The following UBN2 variants were observed in gnomAD, a reference collection of about 807,000 sequenced individuals.
UBN2 encodes ubinuclein 2.
Under a neutral mutation model 120.2 loss-of-function variants are expected in UBN2, and 35 were observed. The ratio of observed to expected loss-of-function variants is 0.29; its 90% CI spans 0.22 to 0.39. The LOEUF (loss-of-function observed/expected upper bound fraction) is 0.39. Among genes scored for constraint, UBN2 ranks in the 10% least tolerant of loss-of-function variants. The pLI is 1.00. For missense variants in UBN2, 1,693 were observed against 1,663.2 expected (o/e 1.02, Z -0.31); for synonymous variants, 661 against 648.7 (o/e 1.02, Z -0.29).
the UBN2 span, among the ~76,000 whole-genome samples, chr7:139,327,318 C>A: frequency 2.6e-5 from 4 of 152,182 alleles, no homozygotes; most frequent in African/African-American, 9.7e-5. Context: ...CAGGCGTGAG[C>A]CACTGCACCC....
At chr7:139,273,233 G>T in intron 9 of UBN2, 64 bp from the exon 10 acceptor site, 1 of 1,035,154 alleles carries the variant, frequency 9.7e-7, no homozygotes, top group Non-Finnish European at 1.4e-6. Flanking sequence ...AAGTATTTAT[G>T]GAGCATATTA....
chr7:139,281,031 T>C (rs1472300470), intron 13 of UBN2, among the ~76,000 whole-genome samples: 2 of 152,182 alleles, frequency 1.3e-5, no homozygotes, highest in East Asian at 1.9e-4. Context: ...TGAATTTAGA[T>C]GTTGTTTTGA....
At chr7:139,312,073 G>C (rs947253293), downstream of UBN2, among the ~76,000 whole-genome samples, 3 of 152,168 alleles carry the variant, frequency 2.0e-5, no homozygotes, top group Non-Finnish European at 4.4e-5. Context: ...AAAGTAATGC[G>C]TCAATCATAT....
intron 2 of UBN2, among the ~76,000 whole-genome samples, chr7:139,251,087 A>G (rs1796612482): frequency 6.6e-6 from 1 of 152,212 alleles, no homozygotes; most frequent in African/African-American, 2.4e-5. Context: ...CCTGGGTGAC[A>G]GAGTGAGACC....
At position 139,275,069 on chromosome 7, in the gene UBN2, G is replaced by T. The variant is rs143414776; in HGVS notation, c.1973+995G>T. On this transcript the variant is annotated intron_variant, in intron 11 of 17. Transcript: ENST00000473989. ...GAGGCTGGTGGATCACCTGAGGTCC[G>T]GAGTTCAAGACCAGCCTGGCCAGCA... Among the ~76,000 whole-genome samples the T allele has an allele frequency of 8.6e-3, 1,299 of 150,836 alleles. 15 individuals are homozygous for T. Among genetic ancestry groups the T allele is most frequent in the African/African-American group, 0.03 (1,211 of 40,978 alleles).
Position 139,237,111 on chromosome 7 carries a change from A to G in UBN2, c.561+14A>G. The G allele has an allele frequency of 6.3e-7, 1 of 1,575,130 alleles. No individual in the cohort carries two copies. The highest frequency in any genetic ancestry group is 1.1e-5 in the South Asian group (1 of 89,288). On this transcript the variant is annotated intron_variant, in intron 2 of 17. Transcript: ENST00000473989. ...GAAATGAAATATGTGAGTATAATAA[A>G]CTGATCACTTAGGTAATTTTATCCT... is the stretch of plus-strand genomic sequence containing the variant.
At chr7:139,324,869 G>GC in the UBN2 span, among the ~76,000 whole-genome samples, 1 of 151,964 alleles carries the variant, frequency 6.6e-6, no homozygotes, top group African/African-American at 2.4e-5. Context: ...TACTTGGGAG[G>GC]CTGAGGCAGG....
chr7:139,324,523 T>G, the UBN2 span, among the ~76,000 whole-genome samples: 1 of 118,928 alleles, frequency 8.4e-6, no homozygotes, highest in Admixed American at 1.2e-4. Context: ...GCCACAGCAC[T>G]CCAGCCTGGG....
intron 15 of UBN2, among the ~76,000 whole-genome samples, chr7:139,285,078 T>C (rs1332217920): frequency 6.6e-6 from 1 of 152,234 alleles, no homozygotes; most frequent in Non-Finnish European, 1.5e-5. Flanking sequence ...TTTATTTTGC[T>C]TAATTTTGTA....
chr7:139,273,167 G>A, intron 9 of UBN2, 130 bp from the exon 10 acceptor site: 1 of 505,312 alleles, frequency 2.0e-6, no homozygotes, highest in Non-Finnish European at 3.4e-6. Context: ...AGTATTATGT[G>A]GAAAGGTAGA....
At chr7:139,264,102 A>G (rs1797019279) in intron 6 of UBN2, among the ~76,000 whole-genome samples, 1 of 152,220 alleles carries the variant, frequency 6.6e-6, no homozygotes, top group African/African-American at 2.4e-5. Flanking sequence ...CTAATTTATT[A>G]TTCACATTAC....
At chr7:139,273,607 A>G (rs375887830) in intron 10 of UBN2, among the ~76,000 whole-genome samples, 197 bp downstream of exon 10, 1 of 152,210 alleles carries the variant, frequency 6.6e-6, no homozygotes, top group South Asian at 2.1e-4. Context: ...ATACACTGTA[A>G]TACTTTTTAC....
In UBN2 at chr7:139,269,481, A is replaced by G. The variant is rs1797197371; in HGVS notation, c.1554A>G (p.Glu518=). The G allele has an allele frequency of 6.2e-7, 1 of 1,614,184 alleles. No individual in the cohort carries two copies. The highest frequency in any genetic ancestry group is 8.5e-7 in the Non-Finnish European group (1 of 1,180,018). Residue 518 remains glutamate (E), a synonymous_variant, in exon 8 of 18, where the codon GAA becomes GAG. Coordinates refer to ENST00000473989, the MANE Select transcript of UBN2 (RefSeq NM_173569.4). ...HLEAFVPCNK[E]TLVKRLKKLH... ...AAGCTTTTGTGCCATGCAATAAAGA[A>G]ACACTAGTAAAACGTCTGAAGAAGT... is the stretch of plus-strand genomic sequence containing the variant.
At chr7:139,317,597 C>A in the UBN2 span, among the ~76,000 whole-genome samples, 1 of 152,038 alleles carries the variant, frequency 6.6e-6, no homozygotes. Flanking sequence ...CTTTTCGGTA[C>A]CTTCTAGGAA....
At chr7:139,316,462 C>T in the UBN2 span, among the ~76,000 whole-genome samples, 1 of 152,120 alleles carries the variant, frequency 6.6e-6, no homozygotes, top group Admixed American at 6.6e-5. Flanking sequence ...TCTTTTCCTT[C>T]ATCACTTAGA....
chr7:139,297,258 A>G (rs1189083035), intron 17 of UBN2, among the ~76,000 whole-genome samples: 1 of 151,644 alleles, frequency 6.6e-6, no homozygotes, highest in Non-Finnish European at 1.5e-5. Context: ...ACTTAAAGCT[A>G]GGTTAGAATG....
intron 3 of UBN2, among the ~76,000 whole-genome samples, chr7:139,253,321 G>A (rs143833339): frequency 2.1e-4 from 32 of 152,064 alleles, no homozygotes; most frequent in African/African-American, 7.2e-4. Context: ...TATTTAGAGG[G>A]TGCATTTATA....
Position 139,249,010 on chromosome 7 carries a change from C to CTGTGTG in UBN2, c.562-2926_562-2921dup, listed in dbSNP as rs559214097. ...GTGTATATGTATATATTTATTACAT[C>CTGTGTG]TGTGTGTGTGTGTGTGTGTGTGTGT... On this transcript the variant is annotated intron_variant, in intron 2 of 17. Coordinates refer to ENST00000473989, the MANE Select transcript of UBN2 (RefSeq NM_173569.4). Among the ~76,000 whole-genome samples, 1,388 of 147,698 alleles carry CTGTGTG rather than the reference C, an allele frequency of 9.4e-3. 22 individuals carry two copies. The highest frequency in any genetic ancestry group is 0.032 in the African/African-American group (1,290 of 40,606).
rs1061574 is a variant in UBN2, at chr7:139,305,058, T to C, written c.*7222T>C. 3.3e-5 allele frequency: 5 copies of C among 152,342 alleles called. No homozygotes were observed. The highest frequency in any genetic ancestry group is 1.2e-4 in the African/African-American group (5 of 41,586). 9.4% of individuals were successfully genotyped at this position (152,342 alleles called of 1,614,324 possible). On this transcript the variant is annotated 3_prime_UTR_variant, in exon 18 of 18. Coordinates refer to ENST00000473989, the MANE Select transcript of UBN2 (RefSeq NM_173569.4). ...TGGTGCAAAGCTGTAGTTAGTATCA[T>C]GGAATGTCTTTGGGTTGTTAATGAT...
Sources: allele counts gnomAD v4.1 joint callset (sites outside exome capture counted in the v4.1 genomes callset), GRCh38; gene constraint gnomAD v4.1.1; transcripts MANE v1.5; gene names NCBI Gene and HGNC (gene_info 2026-07-23, HGNC 2026-07-21).